Variants in TPGS1 observed in about 807,000 individuals in gnomAD.
TPGS1 encodes the protein tubulin polyglutamylase complex subunit 1.
Under a neutral mutation model 11.9 loss-of-function variants are expected in TPGS1, and 18 were observed. That is an observed-to-expected ratio of 1.51 (90% CI 1.04 to 2.24). The LOEUF (loss-of-function observed/expected upper bound fraction) is 2.24. TPGS1 is among the 30% of genes most tolerant of loss of function. The pLI is 0.00. For missense variants in TPGS1, 500 were observed against 443.0 expected, an observed-to-expected ratio of 1.13 and a Z score of -1.16; for synonymous variants, 247 against 218.2, an observed-to-expected ratio of 1.13 and a Z score of -1.16.
rs371899130 is a variant in TPGS1 at position 507,641 on chromosome 19, G to A, written c.135G>A (p.Thr45=). 353 of 1,392,120 alleles carry A rather than the reference G, an allele frequency of 2.5e-4. No homozygotes were observed. The highest frequency in any genetic ancestry group is 4.7e-4 in the South Asian group (31 of 65,684). The allele number at this position is 1,392,120 out of a possible 1,614,324, so 86.2% of individuals were successfully genotyped here. ...ACTTCCTGCGGCAGGTCGGCGTGAC[G>A]GAAATGCTACGTGCGGCCCTGCTGA... ...EEDFLRQVGV[T]EMLRAALLKV... Residue 45 remains threonine (T), a synonymous_variant, in exon 1 of 2, where the codon ACG becomes ACA. Transcript: ENST00000359315.
Position 518,882 on chromosome 19 carries a change from T to C in TPGS1, c.339-7T>C, listed in dbSNP as rs1979053991. The stretch of plus-strand genomic sequence containing the variant: ...TCTGCCGGCCCCCAACGTCCCCGTC[T>C]CCGCAGGGCCGCCTTCAACAACAAC... On this transcript the variant is annotated splice_polypyrimidine_tract_variant and splice_region_variant and intron_variant, in intron 1 of 1. Transcript: ENST00000359315. 1 of 1,501,958 alleles carries C rather than the reference T, an allele frequency of 6.7e-7. No individual in the cohort carries two copies. Among genetic ancestry groups the C allele is most frequent in the Non-Finnish European group, 8.8e-7 (1 of 1,132,586 alleles). 93.0% of individuals were successfully genotyped at this position (1,501,958 alleles called of 1,614,324 possible). A position where few individuals can be genotyped will look rare whatever the true frequency, so the allele number is the denominator to read the frequency against.
Position 519,068 on chromosome 19 carries a change from A to G in TPGS1, c.518A>G (p.His173Arg). 1.3e-6 allele frequency: 2 copies of G among 1,536,710 alleles called. No homozygotes were observed. Among genetic ancestry groups the G allele is most frequent in the Non-Finnish European group, 1.7e-6 (2 of 1,147,806 alleles). The change falls in exon 2 of 2, where the codon CAC (histidine) becomes CGC (arginine). Residue 173 changes from histidine (H) to arginine (R), a missense_variant. His to Arg is a conservative substitution (Grantham distance 29, BLOSUM62 0). Coordinates refer to ENST00000359315, the MANE Select transcript of TPGS1 (RefSeq NM_033513.3). The part of the protein sequence containing the change: ...PLLRKVQCRD[H>R]EAVPLSVFRA... ...CTGCGCAAGGTGCAGTGCCGTGACC[A>G]CGAGGCGGTGCCGCTGAGCGTCTTC...
chr19:517,039 C>T (rs1332639767), intron 1 of TPGS1, among the ~76,000 whole-genome samples: 1 of 152,100 alleles, frequency 6.6e-6, no homozygotes, highest in Non-Finnish European at 1.5e-5. Context: ...TTACTGAGCA[C>T]CTACTGTGGG....
intron 1 of TPGS1, among the ~76,000 whole-genome samples, chr19:512,569 G>T (rs1041060161): frequency 3.3e-5 from 5 of 152,182 alleles, no homozygotes; most frequent in African/African-American, 4.8e-5. Flanking sequence ...CCCGCTGAAA[G>T]TGGGCCACGC....
chr19:518,688 G>C (rs1439938043), intron 1 of TPGS1, among the ~76,000 whole-genome samples: 4 of 146,196 alleles, frequency 2.7e-5, no homozygotes, highest in Non-Finnish European at 4.5e-5. Context: ...GCTGGGAGAA[G>C]GGAGGCGGGG....
rs561216454 is a variant in TPGS1 at position 507,525 on chromosome 19, C to G, written c.19C>G (p.Arg7Gly). 11 of 1,417,664 alleles carry G rather than the reference C, an allele frequency of 7.8e-6. No homozygotes were observed. The highest frequency in any genetic ancestry group is 7.4e-5 in the African/African-American group (5 of 67,256). The allele number at this position is 1,417,664 out of a possible 1,614,324, so 87.8% of individuals were successfully genotyped here. A position where few individuals can be genotyped will look rare whatever the true frequency, so the allele number is the denominator to read the frequency against. ...AGCGAAGATGGCGGCAGTGGAGAAG[C>G]GGCGGCAAGCGGTACCACCGCCGGC... MAAVEK[R>G]RQAVPPPAGF... The change falls in exon 1 of 2, where the codon CGG (arginine) becomes GGG (glycine). Residue 7 changes from arginine (R) to glycine (G), a missense_variant. Coordinates refer to ENST00000359315, the MANE Select transcript of TPGS1 (RefSeq NM_033513.3).
chr19:514,762 C>T (rs1407121776), intron 1 of TPGS1, among the ~76,000 whole-genome samples: 1 of 152,224 alleles, frequency 6.6e-6, no homozygotes, highest in Non-Finnish European at 1.5e-5. Flanking sequence ...CCTATATGTC[C>T]CAGAGGAAGT....
chr19:514,788 T>C (rs1384066048), intron 1 of TPGS1, among the ~76,000 whole-genome samples: 1 of 152,126 alleles, frequency 6.6e-6, no homozygotes, highest in Non-Finnish European at 1.5e-5. Flanking sequence ...GCCACTAGCA[T>C]GAGGCCTGGC....
chr19:512,533 G>C (rs1600400198), intron 1 of TPGS1, among the ~76,000 whole-genome samples: 1 of 152,278 alleles, frequency 6.6e-6, no homozygotes, highest in Non-Finnish European at 1.5e-5. Context: ...AGTGGACTGA[G>C]AAGTAGCACG....
chr19:519,244 A>G lies in TPGS1; in HGVS notation c.694A>G (p.Ser232Gly). ...CACCCTGGAGGGCGCGCTGCAGGCC[A>G]GCGACGCCGCCGCGCCCGCGCGCTT... The part of the protein sequence containing the change: ...LDTLEGALQA[S>G]DAAAPARFLE... The change falls in exon 2 of 2, where the codon AGC becomes GGC. Residue 232 changes from serine to glycine, a missense_variant. Physicochemically the swap from Ser to Gly is moderately conservative, Grantham distance 56 (BLOSUM62 0). Coordinates refer to ENST00000359315, the MANE Select transcript of TPGS1 (RefSeq NM_033513.3). 8.1e-7 allele frequency: 1 copy of G among 1,237,716 alleles called. No homozygotes were observed. Among genetic ancestry groups the G allele is most frequent in the South Asian group, 3.3e-5 (1 of 30,166 alleles). The allele number at this position is 1,237,716 out of a possible 1,614,324, so 76.7% of individuals were successfully genotyped here. A position where few individuals can be genotyped will look rare whatever the true frequency, so the allele number is the denominator to read the frequency against.
rs1177496836 is a variant in TPGS1 at position 519,231 on chromosome 19, C to T, written c.681C>T (p.Gly227=). 2 of 1,339,824 alleles carry T rather than the reference C, an allele frequency of 1.5e-6. No individual in the cohort carries two copies. The highest frequency in any genetic ancestry group is 1.8e-5 in the South Asian group (1 of 54,086). The allele number at this position is 1,339,824 out of a possible 1,614,324, so 83.0% of individuals were successfully genotyped here. A position where few individuals can be genotyped will look rare whatever the true frequency, so the allele number is the denominator to read the frequency against. ...VGQAVLDTLE[G]ALQASDAAAP... is the part of the protein sequence containing the mutation. ...AGGCCGTGCTGGACACCCTGGAGGG[C>T]GCGCTGCAGGCCAGCGACGCCGCCG... Residue 227 remains glycine (G), a synonymous_variant, in exon 2 of 2, where the codon GGC becomes GGT. Coordinates refer to ENST00000359315, the MANE Select transcript of TPGS1 (RefSeq NM_033513.3).
chr19:517,375 C>T (rs575155621), intron 1 of TPGS1, among the ~76,000 whole-genome samples: 1 of 54,556 alleles, frequency 1.8e-5, no homozygotes, highest in African/African-American at 8.6e-5. Flanking sequence ...GAGGCCTGAG[C>T]TGGGTGGAGG....
intron 1 of TPGS1, among the ~76,000 whole-genome samples, chr19:511,360 T>C (rs563544145): frequency 1.3e-5 from 2 of 152,270 alleles, no homozygotes; most frequent in South Asian, 4.1e-4. Context: ...GCCGTCATCA[T>C]GGCTGTGATC....
At chr19:518,755 G>A in intron 1 of TPGS1, 134 bp from the exon 2 acceptor site, 1 of 944,958 alleles carries the variant, frequency 1.1e-6, no homozygotes, top group South Asian at 2.1e-5. Flanking sequence ...CCGGGGATGG[G>A]GGGTAGGAGG....
chr19:513,940 AG>A (rs1463234348), intron 1 of TPGS1, among the ~76,000 whole-genome samples: 2 of 148,192 alleles, frequency 1.3e-5, no homozygotes, highest in Admixed American at 1.3e-4. Flanking sequence ...TGCATTACTG[AG>A]CACCTGCTGC....
intron 1 of TPGS1, among the ~76,000 whole-genome samples, chr19:515,348 C>T (rs1025602137): frequency 6.6e-6 from 1 of 150,914 alleles, no homozygotes; most frequent in African/African-American, 2.4e-5. Flanking sequence ...CTGCTGTGAG[C>T]CCTGATTGTA....
At chr19:507,955 G>A (rs932519005) in intron 1 of TPGS1, 111 bp downstream of exon 1, 11 of 885,604 alleles carry the variant, frequency 1.2e-5, no homozygotes, top group Non-Finnish European at 3.0e-6. Flanking sequence ...GGGCTTGCTG[G>A]GAGTTGTAGT....
chr19:510,246 G>T (rs916945252), intron 1 of TPGS1: 2 of 152,092 alleles, frequency 1.3e-5, no homozygotes, highest in Non-Finnish European at 2.9e-5. Context: ...GGTGGCGGGC[G>T]CCTGTAGTCC....
chr19:512,308 C>T (rs1389179975), intron 1 of TPGS1, among the ~76,000 whole-genome samples: 1 of 152,160 alleles, frequency 6.6e-6, no homozygotes, highest in Admixed American at 6.5e-5. Flanking sequence ...GGACCACAGA[C>T]GCACGTCACC....
Sources: allele counts gnomAD v4.1 joint callset (sites outside exome capture counted in the v4.1 genomes callset), GRCh38; gene constraint gnomAD v4.1.1; transcripts MANE v1.5; gene names NCBI Gene and HGNC (gene_info 2026-07-23, HGNC 2026-07-21).